CACNA1A: variants seen among roughly 807,000 people sequenced by gnomAD.
CACNA1A encodes voltage-dependent P/Q-type calcium channel subunit alpha-1A.
CACNA1A carries 57 observed loss-of-function variants against 262.4 expected under a neutral mutation model. The ratio of observed to expected loss-of-function variants is 0.22; its 90% CI spans 0.18 to 0.27. CACNA1A has a LOEUF of 0.27. CACNA1A is among the 10% of genes least tolerant of loss of function. The pLI is 1.00. For synonymous variants in CACNA1A, 1,431 were observed against 1,419.3 expected, an observed-to-expected ratio of 1.01 and a Z score of -0.18; for missense variants, 2,526 against 3,562.8, an observed-to-expected ratio of 0.71 and a Z score of 7.41.
intron 35 of CACNA1A, 127 bp from the exon 36 acceptor site, chr19:13,230,336 G>T: frequency 1.1e-6 from 1 of 913,150 alleles, no homozygotes; most frequent in Non-Finnish European, 1.7e-6. Context: ...AGGCCCAGAT[G>T]GAGAGAGGGA....
At chr19:13,261,428 G>A (rs779867103) in intron 26 of CACNA1A, 22 bp downstream of exon 26, 2 of 1,552,452 alleles carry the variant, frequency 1.3e-6, no homozygotes, top group Admixed American at 1.9e-5. Context: ...CAATGGGAAT[G>A]TGCTGGAAAG....
intron 3 of CACNA1A, among the ~76,000 whole-genome samples, chr19:13,413,878 CAAGAAAGAAAGAAAGAAA>C (rs1485403514): frequency 6.6e-4 from 53 of 80,448 alleles, no homozygotes; most frequent in Non-Finnish European, 8.9e-4. Context: ...CAGACTCTGT[CAAGAAAGAAAGAAAGAAA>C]AAGAAAGAAA....
At chr19:13,505,844 C>G in intron 1 of CACNA1A, 88 bp downstream of exon 1, 1 of 1,395,462 alleles carries the variant, frequency 7.2e-7, no homozygotes, top group Non-Finnish European at 1.0e-6. Flanking sequence ...TCCCATCAAC[C>G]CCCGGGTCTC....
chr19:13,491,840 T>G (rs1980922885), intron 1 of CACNA1A, among the ~76,000 whole-genome samples: 1 of 152,062 alleles, frequency 6.6e-6, no homozygotes. Context: ...CACCTCTAAA[T>G]TTTAAAAAGG....
rs2057740398 is a variant in CACNA1A at position 13,299,316 on chromosome 19, C to T, written c.2317G>A (p.Val773Met). Residue 773 changes from valine (V) to methionine (M), a missense_variant, in exon 19 of 47, where the codon GTG becomes ATG. Physicochemically the swap from Val to Met is conservative, Grantham distance 21. This residue lies in a region of CACNA1A where 765 missense variants were observed against 748.6 expected (regional missense o/e 1.02). Transcript: ENST00000360228. ...ATCTCACTGGTCCGCTGCTCCCACA[C>T]GGACTTGGCTGGCTTTTGATTCTTC... ...QQKNQKPAKSVWEQRTSEMRK... is the reference protein window; with the variant it reads ...QQKNQKPAKSMWEQRTSEMRK... 2 of 1,601,024 alleles carry T rather than the reference C, an allele frequency of 1.2e-6. No homozygotes were observed. Among genetic ancestry groups the T allele is most frequent in the Non-Finnish European group, 1.7e-6 (2 of 1,179,828 alleles).
intron 3 of CACNA1A, among the ~76,000 whole-genome samples, chr19:13,391,637 C>T (rs978589276): frequency 6.6e-6 from 1 of 152,052 alleles, no homozygotes. Flanking sequence ...TGGCTCACAT[C>T]GGTAGTCCTA....
intron 1 of CACNA1A, among the ~76,000 whole-genome samples, chr19:13,466,676 G>GCTA (rs57597447): frequency 0.3 from 45,341 of 151,078 alleles, 8,611 homozygotes; most frequent in East Asian, 0.53. Context: ...TGCTGCTGCT[G>GCTA]CTACTTTCTT....
chr19:13,496,929 T>C (rs1981602332), intron 1 of CACNA1A, among the ~76,000 whole-genome samples: 1 of 152,274 alleles, frequency 6.6e-6, no homozygotes, highest in Admixed American at 6.5e-5. Flanking sequence ...ATGGAGCTAT[T>C]AGAATCACCA....
At chr19:13,226,159 C>G (rs1053901219) in intron 37 of CACNA1A, 25 of 149,902 alleles carry the variant, frequency 1.7e-4, no homozygotes, top group African/African-American at 5.9e-4. Context: ...TGGTCCTGCA[C>G]AAAGACCAGG....
chr19:13,370,407 T>A (rs2059301412), intron 4 of CACNA1A, among the ~76,000 whole-genome samples: 1 of 151,514 alleles, frequency 6.6e-6, no homozygotes, highest in Non-Finnish European at 1.5e-5. Context: ...ACCCAGCCTA[T>A]AAATTGTTTG....
At position 13,235,652 on chromosome 19, in the gene CACNA1A, T is replaced by C. The variant is rs766623973; in HGVS notation, c.5029A>G (p.Ile1677Val). ...ACAAAGGTCCAGAGAAGAATGCGGA[T>C]GGTGTAACCCTGACGGAGAAGTTTG... ...LIKLLRQGYTIRILLWTFVQS... is the reference protein window; with the variant it reads ...LIKLLRQGYTVRILLWTFVQS... The change falls in exon 32 of 47, where the codon ATC becomes GTC. Residue 1677 changes from isoleucine (I) to valine (V), a missense_variant. Ile to Val is a conservative substitution (Grantham distance 29). Coordinates refer to ENST00000360228, the MANE Select transcript of CACNA1A (RefSeq NM_001127222.2). The C allele has an allele frequency of 6.2e-7, 1 of 1,613,932 alleles. No individual in the cohort carries two copies. The highest frequency in any genetic ancestry group is 2.2e-5 in the East Asian group (1 of 44,892).
chr19:13,491,518 C>T lies in CACNA1A; in HGVS notation c.293+14414G>A, dbSNP rs554873909. On this transcript the variant is annotated intron_variant, in intron 1 of 46. Coordinates refer to ENST00000360228, the MANE Select transcript of CACNA1A (RefSeq NM_001127222.2). ...GCAGGAGCCAAGAAAAGGGCCTTTC[C>T]GTCATGAATGTGGAAAATGGTCTGT... 6.6e-5 allele frequency among the ~76,000 whole-genome samples: 10 copies of T among 152,072 alleles called. No homozygotes were observed. In the East Asian group the frequency reaches 9.7e-4, roughly 15 times the overall value.
chr19:13,209,580 C>T, intron 44 of CACNA1A, 82 bp from the exon 45 acceptor site: 6 of 1,102,134 alleles, frequency 5.4e-6, no homozygotes, highest in Non-Finnish European at 7.0e-6. Flanking sequence ...ATTGTGGCAG[C>T]CTGGTGGTGG....
intron 6 of CACNA1A, among the ~76,000 whole-genome samples, chr19:13,337,865 A>G (rs4926271): frequency 0.69 from 105,201 of 152,040 alleles, 36,512 homozygotes; most frequent in Admixed American, 0.76. Flanking sequence ...CTACAAACCC[A>G]TACAGCATGT....
At chr19:13,500,171 G>C (rs913263153) in intron 1 of CACNA1A, among the ~76,000 whole-genome samples, 1 of 152,224 alleles carries the variant, frequency 6.6e-6, no homozygotes, top group African/African-American at 2.4e-5. Flanking sequence ...TGGCACAAGG[G>C]TAGATCAGAT....
At chr19:13,382,614 G>C (rs181471023) in intron 3 of CACNA1A, among the ~76,000 whole-genome samples, 1 of 152,300 alleles carries the variant, frequency 6.6e-6, no homozygotes, top group East Asian at 1.9e-4. Flanking sequence ...GTCATGTAAG[G>C]TTTTGGAGCA....
chr19:13,384,788 C>T (rs995309270), intron 3 of CACNA1A, among the ~76,000 whole-genome samples: 9 of 152,066 alleles, frequency 5.9e-5, no homozygotes, highest in African/African-American at 1.9e-4. Context: ...TCTCCAGGGC[C>T]GCACAGAGGT....
At chr19:13,447,303 ATT>A (rs1261341798) in intron 3 of CACNA1A, among the ~76,000 whole-genome samples, 1 of 152,208 alleles carries the variant, frequency 6.6e-6, no homozygotes, top group Non-Finnish European at 1.5e-5. Context: ...TAGATGAAGT[ATT>A]TCTCCTCTAG....
rs762288499 is a variant in CACNA1A at position 13,298,580 on chromosome 19, C to G, written c.3053G>C (p.Arg1018Pro). 4.5e-5 allele frequency: 69 copies of G among 1,542,894 alleles called. No homozygotes were observed. The highest frequency in any genetic ancestry group is 5.9e-5 in the Non-Finnish European group (67 of 1,142,866). ...ATGCCTCCGCTCCTTGTCCTCCCTC[C>G]GCGCGTCCCCCTCGTACGTGGCTGG... Reference protein sequence around the residue: ...GAPATYEGDARREDKERRHRR... With the variant: ...GAPATYEGDAPREDKERRHRR... Residue 1018 changes from arginine to proline, a missense_variant, in exon 19 of 47, where the codon CGG becomes CCG. Physicochemically the swap from Arg to Pro is moderately radical, Grantham distance 103. Coordinates refer to ENST00000360228, the MANE Select transcript of CACNA1A (RefSeq NM_001127222.2).
Sources: allele counts gnomAD v4.1 joint callset (sites outside exome capture counted in the v4.1 genomes callset), GRCh38; gene constraint gnomAD v4.1.1; regional missense constraint gnomAD v4.1.1; transcripts MANE v1.5; gene names NCBI Gene and HGNC (gene_info 2026-07-23, HGNC 2026-07-21).